The following MSRA variants were observed in gnomAD, a reference collection of about 807,000 sequenced individuals.
The protein encoded by MSRA is methionine sulfoxide reductase A.
Under a neutral mutation model 31.3 loss-of-function variants are expected in MSRA, and 54 were observed. That is an observed-to-expected ratio of 1.73 (90% confidence interval 1.39 to 2.17). The LOEUF (loss-of-function observed/expected upper bound fraction) is 2.17, where lower values mean the gene tolerates loss of function less well. Ranked by LOEUF, MSRA falls within the 30% of genes most tolerant of loss-of-function variation. The pLI is 0.00. For synonymous variants in MSRA, 169 were observed against 116.5 expected, an observed-to-expected ratio of 1.45 and a Z score of -2.90; for missense variants, 507 against 300.9, an observed-to-expected ratio of 1.69 and a Z score of -5.07.
chr8:10,356,861 CTTG>C (rs1563388886), intron 5 of MSRA, among the ~76,000 whole-genome samples: 1 of 149,304 alleles, frequency 6.7e-6, no homozygotes, highest in Non-Finnish European at 1.5e-5. Flanking sequence ...GTGCACGTTC[CTTG>C]CTGCTGTTTT....
At chr8:10,264,072 A>C (rs1390313631) in intron 3 of MSRA, among the ~76,000 whole-genome samples, 1 of 152,160 alleles carries the variant, frequency 6.6e-6, no homozygotes, top group Non-Finnish European at 1.5e-5. Context: ...CTAATGATTT[A>C]TTTCAACAGA....
intron 4 of MSRA, among the ~76,000 whole-genome samples, chr8:10,308,961 A>G (rs937731144): frequency 1.3e-5 from 2 of 152,242 alleles, no homozygotes; most frequent in Non-Finnish European, 2.9e-5. Flanking sequence ...AGGGGTGCTT[A>G]GTAAATGTTG....
chr8:10,068,778 T>TGTTTAG (rs1289979117), intron 1 of MSRA, among the ~76,000 whole-genome samples: 4 of 152,178 alleles, frequency 2.6e-5, no homozygotes, highest in African/African-American at 9.7e-5. Context: ...CCCCTTTCCA[T>TGTTTAG]ATAAAGTTTA....
intron 4 of MSRA, among the ~76,000 whole-genome samples, chr8:10,302,563 G>T (rs1314972197): frequency 6.6e-6 from 1 of 152,378 alleles, no homozygotes; most frequent in East Asian, 1.9e-4. Context: ...TCATATGCCT[G>T]TAGCAGCACA....
chr8:10,213,322 T>A (rs1809681034), intron 2 of MSRA, among the ~76,000 whole-genome samples: 1 of 152,144 alleles, frequency 6.6e-6, no homozygotes, highest in African/African-American at 2.4e-5. Flanking sequence ...CTGGACTTAT[T>A]TCACTTAACA....
At chr8:10,076,183 A>G (rs1797988186) in intron 1 of MSRA, among the ~76,000 whole-genome samples, 2 of 152,256 alleles carry the variant, frequency 1.3e-5, no homozygotes, top group South Asian at 4.1e-4. Flanking sequence ...TAATAAGGAA[A>G]GAACCTAGAA....
intron 1 of MSRA, among the ~76,000 whole-genome samples, chr8:10,104,952 G>C (rs1799783070): frequency 6.6e-6 from 1 of 152,272 alleles, no homozygotes; most frequent in African/African-American, 2.4e-5. Context: ...ACAGTTGGTA[G>C]TACCAGACTT....
chr8:10,117,990 G>C (rs1242483711), intron 1 of MSRA, among the ~76,000 whole-genome samples: 1 of 152,190 alleles, frequency 6.6e-6, no homozygotes, highest in Non-Finnish European at 1.5e-5. Context: ...ATCACTCTGA[G>C]AGAGGTTTAA....
chr8:10,187,225 A>G (rs948246259), intron 1 of MSRA, among the ~76,000 whole-genome samples: 4 of 152,200 alleles, frequency 2.6e-5, no homozygotes, highest in Admixed American at 6.5e-5. Context: ...ATCCACAGTG[A>G]CTGAGCATGG....
At chr8:10,114,283 T>G (rs1051696443) in intron 1 of MSRA, among the ~76,000 whole-genome samples, 3 of 152,244 alleles carry the variant, frequency 2.0e-5, no homozygotes, top group Non-Finnish European at 2.9e-5. Flanking sequence ...TCTCGAATAA[T>G]GTTGCTGTGA....
intron 5 of MSRA, among the ~76,000 whole-genome samples, chr8:10,350,546 G>A (rs773984057): frequency 4.6e-5 from 7 of 152,214 alleles, no homozygotes; most frequent in Admixed American, 1.3e-4. Flanking sequence ...AGTCCAGGAC[G>A]ACCATCGATG....
chr8:10,305,313 C>T (rs1801068157), intron 4 of MSRA, among the ~76,000 whole-genome samples: 2 of 151,842 alleles, frequency 1.3e-5, no homozygotes, highest in Non-Finnish European at 1.5e-5. Context: ...AAACAGAGAA[C>T]ATTCAGCATG....
intron 1 of MSRA, among the ~76,000 whole-genome samples, chr8:10,161,274 T>C (rs1003122842): frequency 6.6e-6 from 1 of 152,200 alleles, no homozygotes; most frequent in Non-Finnish European, 1.5e-5. Flanking sequence ...TGTTTCCCCA[T>C]TTAATTCCTG....
intron 2 of MSRA, among the ~76,000 whole-genome samples, chr8:10,234,065 C>T (rs77428631): frequency 0.037 from 5,644 of 151,868 alleles, 159 homozygotes; most frequent in South Asian, 0.07. Flanking sequence ...AACTTACATT[C>T]GATAGTATAG....
intron 1 of MSRA, among the ~76,000 whole-genome samples, chr8:10,125,541 G>A (rs1563124705): frequency 6.6e-6 from 1 of 152,180 alleles, no homozygotes; most frequent in Non-Finnish European, 1.5e-5. Flanking sequence ...GGACTGTGGT[G>A]GGAGATGAGG....
rs1449756704 is a variant in MSRA, at chr8:10,054,596, C to T, written c.80C>T (p.Ala27Val). Residue 27 changes from alanine (A) to valine (V), a missense_variant, in exon 1 of 6, where the codon GCC (alanine) becomes GTC (valine). Coordinates refer to ENST00000317173, the MANE Select transcript of MSRA (RefSeq NM_012331.5). ...LFPVPRMGNSASNIVSPQEAL... is the reference protein window; with the variant it reads ...LFPVPRMGNSVSNIVSPQEAL... The stretch of plus-strand genomic sequence containing the variant: ...CCCGTCCCGAGGATGGGCAACTCGG[C>T]CTCGAACATCGTCAGCCCCCAGGAG... The T allele has an allele frequency of 1.3e-6, 2 of 1,580,822 alleles. No homozygotes were observed. Among genetic ancestry groups the T allele is most frequent in the Non-Finnish European group, 1.7e-6 (2 of 1,164,194 alleles).
chr8:10,323,910 A>G (rs778957613), intron 5 of MSRA, among the ~76,000 whole-genome samples: 7 of 152,202 alleles, frequency 4.6e-5, no homozygotes, highest in Non-Finnish European at 7.3e-5. Flanking sequence ...ACATTACTGC[A>G]TATAAACTGC....
intron 1 of MSRA, among the ~76,000 whole-genome samples, chr8:10,102,577 T>C (rs1799605476): frequency 6.6e-6 from 1 of 152,252 alleles, no homozygotes. Flanking sequence ...TTCCAACATC[T>C]GTGCCATCTC....
chr8:10,143,982 TCTGTGGTGAATCACAGAGC>T (rs1258668911), intron 1 of MSRA, among the ~76,000 whole-genome samples: 17 of 152,196 alleles, frequency 1.1e-4, no homozygotes. Flanking sequence ...TTGAGGATGT[TCTGTGGTGAATCACAGAGC>T]CTCGTGAGGC....
Sources: gnomAD v4.1 joint callset for allele counts (sites outside exome capture counted in the v4.1 genomes callset) on GRCh38, gnomAD v4.1.1 for gene constraint, MANE v1.5 for transcripts, NCBI Gene and HGNC (gene_info 2026-07-23, HGNC 2026-07-21) for gene names.